Variants in DRC3 observed in about 807,000 individuals in gnomAD.
DRC3 encodes the protein leucine rich repeat containing 48.
In DRC3, 45 loss-of-function variants were observed where a neutral mutation model predicts 57.6. That is an observed-to-expected ratio of 0.78 (90% confidence interval 0.62 to 1.00). DRC3 has a LOEUF of 1.00. Among genes scored for constraint, DRC3 ranks in the 50% least tolerant of loss-of-function variants. The probability of loss-of-function intolerance (pLI) is 0.00; values close to 1 mark genes in which losing one functional copy is unlikely to be tolerated. For synonymous variants in DRC3, 257 were observed against 272.3 expected, an observed-to-expected ratio of 0.94 and a Z score of 0.55; for missense variants, 655 against 675.2, an observed-to-expected ratio of 0.97 and a Z score of 0.33.
At position 18,016,652 on chromosome 17, in the gene DRC3, G is replaced by T. The variant is rs771355481; in HGVS notation, c.1553G>T (p.Cys518Phe). 2 of 1,612,304 alleles carry T rather than the reference G, an allele frequency of 1.2e-6. No individual in the cohort carries two copies. Among genetic ancestry groups the T allele is most frequent in the Non-Finnish European group, 1.7e-6 (2 of 1,178,414 alleles). The change falls in exon 14 of 14, where the codon TGT becomes TTT. Residue 518 changes from cysteine (C) to phenylalanine (F), a missense_variant. Physicochemically the swap from Cys to Phe is radical, Grantham distance 205 (BLOSUM62 -2). Transcript: ENST00000399187. Reference sequence around the variant, plus strand: ...CAGAGCGAACTGGACAACCTGGAATGTGGCGACATCCTAGACTAGATGAAT... The same window carrying T: ...CAGAGCGAACTGGACAACCTGGAATTTGGCGACATCCTAGACTAGATGAAT... ...HMQSELDNLECGDILD is the reference protein window; with the variant it reads ...HMQSELDNLEFGDILD
chr17:18,007,540 G>C, intron 12 of DRC3: 23 of 1,527,798 alleles, frequency 1.5e-5, no homozygotes, highest in Non-Finnish European at 2.0e-5. Context: ...GGGGGTGTTG[G>C]AACCACCATT....
intron 11 of DRC3, 197 bp from the exon 12 acceptor site, chr17:18,006,827 G>A (rs901829139): frequency 1.8e-5 from 13 of 733,608 alleles, no homozygotes; most frequent in East Asian, 1.5e-4. Context: ...GGCAGGGGCC[G>A]AGGGTCCGTC....
chr17:18,000,062 T>A (rs2043638309), intron 9 of DRC3, among the ~76,000 whole-genome samples: 2 of 150,326 alleles, frequency 1.3e-5, no homozygotes, highest in African/African-American at 4.9e-5. Context: ...CATGCCCTGT[T>A]TTGTACTTTG....
intron 9 of DRC3, among the ~76,000 whole-genome samples, chr17:17,999,535 C>G (rs922949678): frequency 6.6e-6 from 1 of 152,218 alleles, no homozygotes; most frequent in African/African-American, 2.4e-5. Flanking sequence ...ACGCTCCTCC[C>G]ACTCATCCCC....
At chr17:18,012,419 C>G (rs1258101555) in intron 12 of DRC3, among the ~76,000 whole-genome samples, 2 of 152,190 alleles carry the variant, frequency 1.3e-5, no homozygotes, top group East Asian at 1.9e-4. Flanking sequence ...GTGGCTCATG[C>G]CTGTAATCCC....
At chr17:17,978,352 G>C (rs147960959) in intron 3 of DRC3, among the ~76,000 whole-genome samples, 14 of 152,308 alleles carry the variant, frequency 9.2e-5, no homozygotes, top group Admixed American at 3.9e-4. Flanking sequence ...AGCATTGGGT[G>C]GGGGGACAAG....
intron 9 of DRC3, among the ~76,000 whole-genome samples, chr17:18,002,883 G>A (rs2043793770): frequency 6.6e-6 from 1 of 152,186 alleles, no homozygotes; most frequent in African/African-American, 2.4e-5. Flanking sequence ...GCTTATCAGG[G>A]TCACTGACTG....
At chr17:17,989,660 G>A (rs771563567) in intron 5 of DRC3, 2 of 152,294 alleles carry the variant, frequency 1.3e-5, no homozygotes, top group Non-Finnish European at 2.9e-5. Flanking sequence ...TGCAGGTGAC[G>A]AGGGAGGATT....
At chr17:18,006,640 A>G (rs1597633929) in intron 11 of DRC3, 1 of 367,372 alleles carries the variant, frequency 2.7e-6, no homozygotes. Context: ...GGCACTCCAC[A>G]TGGGGCAAAC....
chr17:18,004,846 C>T, intron 10 of DRC3: 1 of 214,580 alleles, frequency 4.7e-6, no homozygotes. Flanking sequence ...CTCCGCATTG[C>T]AGCCTGCAGT....
intron 13 of DRC3, 133 bp from the exon 14 acceptor site, chr17:18,016,425 C>T (rs1019652891): frequency 8.8e-6 from 7 of 793,128 alleles, no homozygotes; most frequent in African/African-American, 1.7e-5. Flanking sequence ...TCAGCAGAAC[C>T]TGGGGAGGCG....
intron 12 of DRC3, chr17:18,015,794 C>T (rs369411150): frequency 8.3e-6 from 3 of 363,552 alleles, no homozygotes; most frequent in South Asian, 4.4e-5. Flanking sequence ...CTGCCTTCAC[C>T]CTGGAGGAAA....
intron 4 of DRC3, among the ~76,000 whole-genome samples, chr17:17,986,069 G>A (rs1266070570): frequency 1.3e-5 from 2 of 152,132 alleles, no homozygotes; most frequent in Non-Finnish European, 1.5e-5. Context: ...GTGCCACCAT[G>A]GGTGGCTAAT....
At chr17:17,985,198 A>T (rs930834219) in intron 4 of DRC3, among the ~76,000 whole-genome samples, 2 of 152,206 alleles carry the variant, frequency 1.3e-5, no homozygotes, top group African/African-American at 4.8e-5. Flanking sequence ...GAGAAACCTG[A>T]ATACTGGTCT....
intron 12 of DRC3, chr17:18,011,083 G>A (rs975853689): frequency 1.9e-5 from 4 of 213,108 alleles, no homozygotes; most frequent in Non-Finnish European, 3.8e-5. Context: ...TCAGCCTCCC[G>A]AGTAGCTGGG....
chr17:17,983,418 CAT>C (rs1366729212), intron 3 of DRC3, among the ~76,000 whole-genome samples: 3 of 152,180 alleles, frequency 2.0e-5, no homozygotes, highest in Non-Finnish European at 4.4e-5. Context: ...AACAGAGACA[CAT>C]GTTTTCATTC....
chr17:17,977,552 G>T, intron 2 of DRC3, 30 bp from the exon 3 acceptor site: 1 of 1,613,000 alleles, frequency 6.2e-7, no homozygotes, highest in South Asian at 1.1e-5. Context: ...AAAGAAGCAG[G>T]CCGTGAAGGA....
intron 1 of DRC3, chr17:17,973,234 AT>A (rs2042215930): frequency 6.6e-6 from 1 of 151,900 alleles, no homozygotes; most frequent in African/African-American, 2.4e-5. Context: ...GCCAGAATGG[AT>A]TTTTAAGGGG....
At chr17:17,985,052 A>C (rs570618951) in intron 4 of DRC3, among the ~76,000 whole-genome samples, 1 of 152,046 alleles carries the variant, frequency 6.6e-6, no homozygotes, top group South Asian at 2.1e-4. Context: ...ATTTCTCTGC[A>C]CTCTAGCACC....
Sources: allele counts gnomAD v4.1 joint callset (sites outside exome capture counted in the v4.1 genomes callset), GRCh38; gene constraint gnomAD v4.1.1; transcripts MANE v1.5; gene names NCBI Gene and HGNC (gene_info 2026-07-23, HGNC 2026-07-21).